The following CCDC171 variants were observed in gnomAD, a reference collection of about 807,000 sequenced individuals.
CCDC171 encodes the protein coiled-coil domain-containing protein 171.
CCDC171 carries 177 observed loss-of-function variants against 168.2 expected under a neutral mutation model. The observed-to-expected ratio is 1.05, with a 90% confidence interval of 0.93 to 1.19. The LOEUF is 1.19. Ranked by LOEUF, CCDC171 falls within the 50% of genes most tolerant of loss-of-function variation. The pLI is 0.00. For synonymous variants in CCDC171, 687 were observed against 540.8 expected (o/e 1.27, Z -3.75); for missense variants, 1,991 against 1,539.0 (o/e 1.29, Z -4.91).
chr9:15,839,516 T>C (rs2060584927), intron 21 of CCDC171, among the ~76,000 whole-genome samples: 1 of 152,172 alleles, frequency 6.6e-6, no homozygotes, highest in Non-Finnish European at 1.5e-5. Context: ...CTTAGTTTTC[T>C]CGTGTAAAAC....
rs141493930 is a variant in CCDC171, at chr9:15,568,991, T to C, written c.42-2633T>C. ...TTGCCCATTCCTGTGTCCAGGATGG[T>C]ATTGCCTAGGTTGTCTTTCAGGGAT... On this transcript the variant is annotated intron_variant, in intron 2 of 25. Transcript: ENST00000380701. Among the ~76,000 whole-genome samples the C allele has an allele frequency of 2.4e-4, 36 of 152,370 alleles. No homozygotes were observed. The East Asian group carries it at 5.6e-3, about 24-fold the overall frequency.
At position 15,981,044 on chromosome 9, in the gene CCDC171, A is replaced by AATT. The variant is rs568594773; in HGVS notation, n.369-39545_369-39544insATT. 1.7e-3 allele frequency among the ~76,000 whole-genome samples: 260 copies of AATT among 152,104 alleles called. 2 individuals are homozygous for AATT. The highest frequency in any genetic ancestry group is 5.8e-3 in the African/African-American group (242 of 41,482). Reference sequence around the variant, plus strand: ...TATGCAGGAAAACCCCCATATAATAACCATCAGATATTGTGAGACTTACTG... The same window carrying AATT: ...TATGCAGGAAAACCCCCATATAATAAATTCCATCAGATATTGTGAGACTTACTG... On this transcript the variant is annotated intron_variant and non_coding_transcript_variant, in intron 3 of 9. Coordinates refer to the CCDC171 transcript ENST00000486641.
At chr9:15,754,703 C>T (rs181375127) in intron 18 of CCDC171, among the ~76,000 whole-genome samples, 119 of 152,152 alleles carry the variant, frequency 7.8e-4, no homozygotes, top group African/African-American at 2.7e-3. Flanking sequence ...TATTTAAATC[C>T]TGTGTGCATC....
chr9:15,781,088 G>A (rs2057642862), intron 20 of CCDC171, among the ~76,000 whole-genome samples: 1 of 152,150 alleles, frequency 6.6e-6, no homozygotes, highest in Non-Finnish European at 1.5e-5. Context: ...GATAATAATG[G>A]CTTTTGTAAA....
At chr9:15,673,973 A>G (rs1020449888) in intron 9 of CCDC171, among the ~76,000 whole-genome samples, 4 of 151,980 alleles carry the variant, frequency 2.6e-5, no homozygotes, top group Non-Finnish European at 5.9e-5. Flanking sequence ...GAATCTGTGC[A>G]GTGCTGGGCT....
At chr9:15,591,691 T>C (rs2042019594) in intron 5 of CCDC171, 135 bp downstream of exon 5, 1 of 595,000 alleles carries the variant, frequency 1.7e-6, no homozygotes, top group African/African-American at 1.9e-5. Flanking sequence ...ATTTTTTCTT[T>C]TTTAGGGGCA....
intron 9 of CCDC171, among the ~76,000 whole-genome samples, chr9:15,674,096 G>A (rs1229904396): frequency 1.3e-5 from 2 of 152,076 alleles, no homozygotes; most frequent in Non-Finnish European, 2.9e-5. Context: ...ATGTGTCCAG[G>A]AATTTATCCA....
chr9:15,789,125 C>G (rs1438088201), intron 21 of CCDC171, among the ~76,000 whole-genome samples: 2 of 152,058 alleles, frequency 1.3e-5, no homozygotes, highest in East Asian at 3.9e-4. Flanking sequence ...TTGAGCATCC[C>G]TAATTTGAAA....
chr9:15,846,950 A>G (rs1271717403), intron 22 of CCDC171, 103 bp downstream of exon 22: 2 of 917,494 alleles, frequency 2.2e-6, no homozygotes, highest in Admixed American at 3.0e-5. Context: ...GTTAGAAAAC[A>G]AAAGTACAGC....
chr9:15,680,100 C>T (rs924211447), intron 10 of CCDC171, among the ~76,000 whole-genome samples: 2 of 152,124 alleles, frequency 1.3e-5, no homozygotes, highest in African/African-American at 2.4e-5. Context: ...TCATAATACT[C>T]ACCGAAATTT....
intron 3 of CCDC171, among the ~76,000 whole-genome samples, chr9:15,996,229 A>C (rs1447970181): frequency 6.6e-6 from 1 of 152,186 alleles, no homozygotes; most frequent in East Asian, 1.9e-4. Context: ...AGAGCAGAGA[A>C]TAAGCAGGAA....
In CCDC171 at chr9:15,851,049, A is replaced by G. The variant is rs1312503085; in HGVS notation, c.3468+2102A>G. 3.3e-5 allele frequency among the ~76,000 whole-genome samples: 5 copies of G among 152,070 alleles called. No homozygotes were observed. The East Asian group carries it at 7.7e-4, about 23-fold the overall frequency. On this transcript the variant is annotated intron_variant, in intron 23 of 25. Transcript: ENST00000380701. ...AATTTTAATACTAACTTCTGACACA[A>G]TAATCAAATAGAAGAAAGAACTTGT...
At chr9:16,108,227 A>G in the CCDC171 span, among the ~76,000 whole-genome samples, 4 of 152,196 alleles carry the variant, frequency 2.6e-5, no homozygotes, top group Non-Finnish European at 5.9e-5. Context: ...TGAGCTTTCC[A>G]GTCATTTGTA....
chr9:15,596,777 G>T (rs1454673185), intron 6 of CCDC171, among the ~76,000 whole-genome samples: 3 of 152,048 alleles, frequency 2.0e-5, no homozygotes, highest in Non-Finnish European at 4.4e-5. Context: ...CTACCCATGA[G>T]CATGGAATGT....
rs1410505264 is a variant in CCDC171 at position 15,939,164 on chromosome 9, A to G, written c.3753+18742A>G. On this transcript the variant is annotated intron_variant, in intron 25 of 25. Transcript: ENST00000380701. The stretch of plus-strand genomic sequence containing the variant: ...ATTATGTCTACACCTATTTATATCT[A>G]TATACTGTGTCTAAATAGATAATAT... 6.6e-5 allele frequency among the ~76,000 whole-genome samples: 10 copies of G among 151,618 alleles called. No homozygotes were observed. The East Asian group carries it at 1.8e-3, about 27-fold the overall frequency.
In CCDC171 at chr9:15,578,748, T is replaced by C. The variant is rs1045169839; in HGVS notation, c.178-101T>C. On this transcript the variant is annotated intron_variant, in intron 3 of 25. Transcript: ENST00000380701. Reference sequence around the variant, plus strand: ...TATATAAATTTATAAATTTTTGCCTTGTATATATTATGGAAACAAGTTTCT... The same window carrying C: ...TATATAAATTTATAAATTTTTGCCTCGTATATATTATGGAAACAAGTTTCT... 9.4e-6 allele frequency: 8 copies of C among 848,682 alleles called. No individual in the cohort carries two copies. In the Admixed American group the frequency reaches 2.3e-4, roughly 24 times the overall value. 52.6% of individuals were successfully genotyped at this position (848,682 alleles called of 1,614,324 possible). A position where few individuals can be genotyped will look rare whatever the true frequency, so the allele number is the denominator to read the frequency against.
At chr9:15,720,943 G>GT (rs2053440164) in intron 11 of CCDC171, among the ~76,000 whole-genome samples, 2 of 152,076 alleles carry the variant, frequency 1.3e-5, no homozygotes, top group South Asian at 2.1e-4. Flanking sequence ...GCAGTGTTTG[G>GT]TTTTTTGTCC....
chr9:15,579,621 G>A (rs931115588), intron 4 of CCDC171, among the ~76,000 whole-genome samples: 1 of 152,058 alleles, frequency 6.6e-6, no homozygotes, highest in Non-Finnish European at 1.5e-5. Flanking sequence ...CCCAGATGAG[G>A]GACCAGAAAA....
rs1024720410 is a variant in CCDC171, at chr9:15,818,071, C to T, written c.3268-28631C>T. ...TGTTCTGCAGCCACCACTGCTGATACCCAGGCAAACAGGGTCTGGAGTGGA... is the reference window on the plus strand; with the variant it reads ...TGTTCTGCAGCCACCACTGCTGATATCCAGGCAAACAGGGTCTGGAGTGGA... On this transcript the variant is annotated intron_variant, in intron 21 of 25. Transcript: ENST00000380701. 1.7e-5 allele frequency among the ~76,000 whole-genome samples: 2 copies of T among 117,658 alleles called. 1 individual carries two copies. Among genetic ancestry groups the T allele is most frequent in the Non-Finnish European group, 3.8e-5 (2 of 52,430 alleles). The allele number at this position is 117,658 out of a possible 152,430, so 77.2% of individuals were successfully genotyped here.
Sources: allele counts gnomAD v4.1 joint callset (sites outside exome capture counted in the v4.1 genomes callset), GRCh38; gene constraint gnomAD v4.1.1; transcripts MANE v1.5; gene names NCBI Gene and HGNC (gene_info 2026-07-23, HGNC 2026-07-21).